The following ALDH7A1 variants were observed in gnomAD, a reference collection of about 807,000 sequenced individuals.
The protein encoded by ALDH7A1 is alpha-aminoadipic semialdehyde dehydrogenase.
In ALDH7A1, 63 loss-of-function variants were observed where a neutral mutation model predicts 79.9. That is an observed-to-expected ratio of 0.79 (90% CI 0.64 to 0.97). The LOEUF is 0.97. Ranked by LOEUF, ALDH7A1 falls within the 50% of genes least tolerant of loss-of-function variation. The probability of loss-of-function intolerance (pLI) is 0.00; values close to 1 mark genes in which losing one functional copy is unlikely to be tolerated. For missense variants in ALDH7A1, 627 were observed against 665.2 expected (o/e 0.94, Z 0.63); for synonymous variants, 240 against 231.2 (o/e 1.04, Z -0.34).
At position 126,595,179 on chromosome 5, in the gene ALDH7A1, G is replaced by A. The variant is rs1561674305; in HGVS notation, c.20C>T (p.Ala7Val). 6.4e-7 allele frequency: 1 copy of A among 1,552,706 alleles called. No individual in the cohort carries two copies. Among genetic ancestry groups the A allele is most frequent in the Non-Finnish European group, 8.7e-7 (1 of 1,147,456 alleles). MWRLPR[A>V]LCVHAAKTSK... ...GGTCTTTGCAGCGTGCACACACAGC[G>A]CGCGAGGAAGGCGCCACATACTGAG... Residue 7 changes from alanine (A) to valine (V), a missense_variant, in exon 1 of 18, where the codon GCG becomes GTG. Physicochemically the swap from Ala to Val is moderately conservative, Grantham distance 64. Coordinates refer to ENST00000409134, the MANE Select transcript of ALDH7A1 (RefSeq NM_001182.5).
intron 9 of ALDH7A1, among the ~76,000 whole-genome samples, chr5:126,566,114 A>G (rs1189814149): frequency 6.6e-6 from 1 of 152,234 alleles, no homozygotes; most frequent in Non-Finnish European, 1.5e-5. Flanking sequence ...AGTTGTCACA[A>G]AACAGAAAAC....
chr5:126,566,416 G>A (rs1750586752), intron 9 of ALDH7A1, among the ~76,000 whole-genome samples: 1 of 151,962 alleles, frequency 6.6e-6, no homozygotes, highest in African/African-American at 2.4e-5. Context: ...ATTGATTTTT[G>A]TATCTCAATC....
intron 10 of ALDH7A1, 99 bp from the exon 11 acceptor site, chr5:126,559,433 G>GTTT: frequency 1.8e-5 from 10 of 569,796 alleles, no homozygotes; most frequent in Non-Finnish European, 2.8e-5. Flanking sequence ...TTTTGGTTTT[G>GTTT]GTTTTTTTTT....
chr5:126,550,413 G>T, intron 14 of ALDH7A1, 120 bp from the exon 15 acceptor site: 1 of 794,440 alleles, frequency 1.3e-6, no homozygotes, highest in Non-Finnish European at 2.1e-6. Context: ...GGAAACCAAA[G>T]AGTCAAGTTT....
intron 4 of ALDH7A1, 128 bp downstream of exon 4, chr5:126,583,804 C>T (rs1012922800): frequency 2.7e-6 from 2 of 745,098 alleles, no homozygotes; most frequent in African/African-American, 3.6e-5. Context: ...TTTACCACTG[C>T]ACTCCAGCCT....
intron 1 of ALDH7A1, 26 bp from the exon 2 acceptor site, chr5:126,593,430 G>A (rs1217305299): frequency 6.2e-7 from 1 of 1,613,602 alleles, no homozygotes; most frequent in Non-Finnish European, 8.5e-7. Context: ...TGATGATCAT[G>A]TATAGAAAAC....
In ALDH7A1 at chr5:126,543,103, C is replaced by G. The variant is rs1456157728; in HGVS notation, c.*1862G>C. The stretch of plus-strand genomic sequence containing the variant: ...TAACCAGTAATGAGCAGCACAAGAC[C>G]CCTTGCACCTTCAAATATAAGACCA... On this transcript the variant is annotated 3_prime_UTR_variant, in exon 18 of 18. Coordinates refer to ENST00000409134, the MANE Select transcript of ALDH7A1 (RefSeq NM_001182.5). 1 of 152,208 alleles carries G rather than the reference C, an allele frequency of 6.6e-6. No homozygotes were observed. The highest frequency in any genetic ancestry group is 1.5e-5 in the Non-Finnish European group (1 of 68,026). The allele number at this position is 152,208 out of a possible 1,614,324, so 9.4% of individuals were successfully genotyped here.
chr5:126,571,461 G>C (rs1182811472), intron 7 of ALDH7A1, among the ~76,000 whole-genome samples: 3 of 143,268 alleles, frequency 2.1e-5, no homozygotes, highest in African/African-American at 8.4e-5. Flanking sequence ...TGGAAGACAG[G>C]GAGACTGTAT....
intron 9 of ALDH7A1, chr5:126,564,375 T>TGA (rs1750501452): frequency 2.4e-6 from 1 of 413,632 alleles, no homozygotes; most frequent in Non-Finnish European, 4.0e-6. Context: ...CTTGAACTCT[T>TGA]GAGCTCAGGC....
At position 126,549,935 on chromosome 5, in the gene ALDH7A1, C is replaced by A; in HGVS notation, c.1483G>T (p.Ala495Ser). 1 of 1,614,118 alleles carries A rather than the reference C, an allele frequency of 6.2e-7. No homozygotes were observed. The highest frequency in any genetic ancestry group is 8.5e-7 in the Non-Finnish European group (1 of 1,179,956). ...GAAATGATTCTCTACGTACCAAAGG[C>A]ACCTCCAATCTCAGCCCCACTTGTT... ...IPTSGAEIGG[A>S]FGGEKHTGGG... The change falls in exon 16 of 18, where the codon GCC (alanine) becomes TCC (serine). Residue 495 changes from alanine (A) to serine (S), a missense_variant. Coordinates refer to ENST00000409134, the MANE Select transcript of ALDH7A1 (RefSeq NM_001182.5).
intron 9 of ALDH7A1, 81 bp downstream of exon 9, chr5:126,568,178 G>T: frequency 1.5e-6 from 2 of 1,373,984 alleles, no homozygotes; most frequent in South Asian, 1.2e-5. Context: ...AAAAGGTTGA[G>T]GGGAAAACAA....
In ALDH7A1 at chr5:126,555,927, TCA is replaced by T; in HGVS notation, c.1093+2_1093+3del. The T allele has an allele frequency of 6.2e-7, 1 of 1,609,766 alleles. No individual in the cohort carries two copies. The highest frequency in any genetic ancestry group is 8.5e-7 in the Non-Finnish European group (1 of 1,176,268). ...TCGCTTTGAAAGCAGAAGGAGATAC[TCA>T]CGGTCCCATGGGTTCCCAACTCGGA... is the stretch of plus-strand genomic sequence containing the variant. On this transcript the variant is annotated splice_donor_variant and splice_donor_region_variant and intron_variant, in intron 12 of 17. Transcript: ENST00000409134. LOFTEE classifies it high-confidence loss of function.
intron 3 of ALDH7A1, among the ~76,000 whole-genome samples, chr5:126,589,662 A>G (rs1460576767): frequency 6.6e-6 from 1 of 152,066 alleles, no homozygotes. Context: ...CTGGGAAGTG[A>G]GGAGCGCCCT....
At chr5:126,593,207 T>G in intron 2 of ALDH7A1, 144 bp downstream of exon 2, 6 of 1,369,214 alleles carry the variant, frequency 4.4e-6, no homozygotes, top group Non-Finnish European at 4.0e-6. Flanking sequence ...AATAAACACA[T>G]TATTCTCTTC....
chr5:126,557,458 G>C (rs1248881468), intron 11 of ALDH7A1, among the ~76,000 whole-genome samples: 2 of 151,830 alleles, frequency 1.3e-5, no homozygotes, highest in African/African-American at 4.8e-5. Flanking sequence ...ACGGTGATGG[G>C]TGCCTGTAGT....
rs562450446 is a variant in ALDH7A1 at position 126,557,136 on chromosome 5, G to C, written c.1009-1121C>G. Among the ~76,000 whole-genome samples, 8 of 152,168 alleles carry C rather than the reference G, an allele frequency of 5.3e-5. No homozygotes were observed. The South Asian group carries it at 1.5e-3, about 28-fold the overall frequency. On this transcript the variant is annotated intron_variant, in intron 11 of 17. Coordinates refer to ENST00000409134, the MANE Select transcript of ALDH7A1 (RefSeq NM_001182.5). ...ATTTGGAGTGCATGGTTTTTTCTTAGCTTTAACGTAATCTTTAACGCAATT... is the reference window on the plus strand; with the variant it reads ...ATTTGGAGTGCATGGTTTTTTCTTACCTTTAACGTAATCTTTAACGCAATT...
At chr5:126,578,326 C>A (rs1376229648) in intron 5 of ALDH7A1, among the ~76,000 whole-genome samples, 1 of 151,468 alleles carries the variant, frequency 6.6e-6, no homozygotes, top group Non-Finnish European at 1.5e-5. Context: ...TTACGCAAAT[C>A]TTTACATTCA....
In ALDH7A1 at chr5:126,543,926, G is replaced by A. The variant is rs1048073545; in HGVS notation, c.*1039C>T. Reference sequence around the variant, plus strand: ...GCAACCGCAGACGCCTAAAGCTAAAGAAGGTGGTCTAAGGTTGTATAAAAA... The same window carrying A: ...GCAACCGCAGACGCCTAAAGCTAAAAAAGGTGGTCTAAGGTTGTATAAAAA... On this transcript the variant is annotated 3_prime_UTR_variant, in exon 18 of 18. Coordinates refer to ENST00000409134, the MANE Select transcript of ALDH7A1 (RefSeq NM_001182.5). 6 of 150,668 alleles carry A rather than the reference G, an allele frequency of 4.0e-5. No individual in the cohort carries two copies. The highest frequency in any genetic ancestry group is 1.5e-4 in the African/African-American group (6 of 41,038). The allele number at this position is 150,668 out of a possible 1,614,324, so 9.3% of individuals were successfully genotyped here.
chr5:126,550,148 C>A, intron 15 of ALDH7A1, 48 bp downstream of exon 15: 2 of 1,575,762 alleles, frequency 1.3e-6, no homozygotes, highest in Non-Finnish European at 1.7e-6. Flanking sequence ...AGTCCACTCA[C>A]CACATAAATC....
Sources: allele counts gnomAD v4.1 joint callset (sites outside exome capture counted in the v4.1 genomes callset), GRCh38; gene constraint gnomAD v4.1.1; transcripts MANE v1.5; gene names NCBI Gene and HGNC (gene_info 2026-07-23, HGNC 2026-07-21).